Variants in CTBP2 observed in about 807,000 individuals in gnomAD.
CTBP2 encodes the protein C-terminal-binding protein 2.
In CTBP2, 30 loss-of-function variants were observed where a neutral mutation model predicts 80.3. The observed-to-expected ratio is 0.37, with a 90% confidence interval of 0.28 to 0.51. CTBP2 has a LOEUF of 0.51. CTBP2 is among the 20% of genes least tolerant of loss of function. The pLI, the probability that CTBP2 is intolerant of heterozygous loss-of-function variation, is 0.93. For synonymous variants in CTBP2, 594 were observed against 587.4 expected, an observed-to-expected ratio of 1.01 and a Z score of -0.16; for missense variants, 1,212 against 1,375.3, an observed-to-expected ratio of 0.88 and a Z score of 1.88.
intron 2 of CTBP2, among the ~76,000 whole-genome samples, chr10:125,063,682 A>G (rs1348246295): frequency 6.6e-6 from 1 of 152,234 alleles, no homozygotes; most frequent in Non-Finnish European, 1.5e-5. Flanking sequence ...TGGTTTAACT[A>G]CATCACCTGA....
intron 2 of CTBP2, among the ~76,000 whole-genome samples, chr10:125,062,381 G>T (rs957558469): frequency 6.6e-6 from 1 of 152,194 alleles, no homozygotes; most frequent in African/African-American, 2.4e-5. Context: ...GAGAACGCAC[G>T]TGAAATGAGG....
rs535620203 is a variant in CTBP2, at chr10:125,073,368, T to C, written c.-101-34213A>G. On this transcript the variant is annotated intron_variant, in intron 2 of 10. Coordinates refer to the CTBP2 transcript ENST00000337195. ...AAGCGATTCTCCTGCCTCAGGCTCC[T>C]GAGTAACTGGAATTACAAGCGTGCA... is the stretch of plus-strand genomic sequence containing the variant. Among the ~76,000 whole-genome samples, 80 of 152,308 alleles carry C rather than the reference T, an allele frequency of 5.3e-4. No homozygotes were observed. In the South Asian group the frequency reaches 5.6e-3, roughly 11 times the overall value.
Position 125,138,542 on chromosome 10 carries a change from G to A in CTBP2, c.-206+21777C>T, listed in dbSNP as rs375373497. ...GTGCTAAAAATAAGATTAACTAAGA[G>A]GCAGAGAAGGAGGCTCGTGGATAAT... On this transcript the variant is annotated intron_variant, in intron 1 of 10. Transcript: ENST00000337195. Among the ~76,000 whole-genome samples the A allele has an allele frequency of 1.1e-4, 17 of 152,066 alleles. No individual in the cohort carries two copies. In the South Asian group the frequency reaches 3.5e-3, roughly 32 times the overall value.
At position 124,988,576 on chromosome 10, in the gene CTBP2, T is replaced by C. The variant is rs113589481; in HGVS notation, c.*942A>G. 6.6e-6 allele frequency: 1 copy of C among 152,634 alleles called. No homozygotes were observed. Among genetic ancestry groups the C allele is most frequent in the African/African-American group, 2.4e-5 (1 of 41,458 alleles). 9.5% of individuals were successfully genotyped at this position (152,634 alleles called of 1,614,324 possible). ...GCAATGATTCACAAAAGACTATGAA[T>C]AGAACATGTAACTAGTTGATACAAA... On this transcript the variant is annotated 3_prime_UTR_variant, in exon 9 of 9. Transcript: ENST00000309035.
rs372742362 is a variant in CTBP2, at chr10:125,026,398, C to T, written c.1362G>A (p.Thr454=). The change falls in exon 1 of 9, where the codon ACG becomes ACA. Residue 454 remains threonine, a synonymous_variant. Transcript: ENST00000309035. ...AGGCCACCCCTGCCTGCAGGGGGTA[C>T]GTGGGGCTCAGACGCGCTGTCAGGG... 31 of 1,609,264 alleles carry T rather than the reference C, an allele frequency of 1.9e-5. No homozygotes were observed. The African/African-American group carries it at 2.5e-4, about 13-fold the overall frequency.
intron 3 of CTBP2, among the ~76,000 whole-genome samples, chr10:125,036,605 A>G (rs905348602): frequency 1.1e-4 from 17 of 152,056 alleles, no homozygotes; most frequent in African/African-American, 4.1e-4. Flanking sequence ...CTGCATATCA[A>G]TACAGAACAT....
At chr10:125,074,644 G>A (rs1046041717) in intron 2 of CTBP2, among the ~76,000 whole-genome samples, 3 of 152,198 alleles carry the variant, frequency 2.0e-5, no homozygotes, top group Non-Finnish European at 4.4e-5. Context: ...AGTGCCTGGC[G>A]AACACTGTCC....
Position 125,026,236 on chromosome 10 carries a change from G to T in CTBP2, c.1524C>A (p.Ser508Arg). The change falls in exon 1 of 9, where the codon AGC (serine) becomes AGA (arginine). Residue 508 changes from serine (S) to arginine (R), a missense_variant. Physicochemically the swap from Ser to Arg is moderately radical, Grantham distance 110. This residue lies in a region of CTBP2 where 848 missense variants were observed against 782.3 expected (regional missense o/e 1.08). Coordinates refer to ENST00000309035, the MANE Select transcript of CTBP2 (RefSeq NM_022802.3). ...CACCTGGCTTCCGCAAGACCTGGGGGCTGCCGTGAGGGCTGGGCAGCGGAG... is the reference window on the plus strand; with the variant it reads ...CACCTGGCTTCCGCAAGACCTGGGGTCTGCCGTGAGGGCTGGGCAGCGGAG... 1 of 1,613,768 alleles carries T rather than the reference G, an allele frequency of 6.2e-7. No individual in the cohort carries two copies. Among genetic ancestry groups the T allele is most frequent in the Non-Finnish European group, 8.5e-7 (1 of 1,179,932 alleles).
chr10:125,129,084 TATTA>T (rs1855730264), intron 1 of CTBP2, among the ~76,000 whole-genome samples: 1 of 152,198 alleles, frequency 6.6e-6, no homozygotes, highest in Non-Finnish European at 1.5e-5. Flanking sequence ...TATACATACA[TATTA>T]AATTGTATGT....
At chr10:125,078,343 A>G (rs1393254716) in intron 2 of CTBP2, among the ~76,000 whole-genome samples, 2 of 151,348 alleles carry the variant, frequency 1.3e-5, no homozygotes, top group African/African-American at 4.9e-5. Context: ...AGATCAACAG[A>G]GGAGGGAGGT....
intron 3 of CTBP2, chr10:124,999,025 G>A (rs374043525): frequency 6.6e-6 from 1 of 152,388 alleles, no homozygotes; most frequent in African/African-American, 2.4e-5. Context: ...ATGACTGCCA[G>A]ATACAACAGG....
At chr10:125,038,634 A>C (rs1270419762) in intron 3 of CTBP2, among the ~76,000 whole-genome samples, 1 of 152,360 alleles carries the variant, frequency 6.6e-6, no homozygotes. Context: ...CATTGTAAAT[A>C]TCTTAATCCA....
At chr10:125,005,458 G>T in intron 1 of CTBP2, 2 of 1,328,110 alleles carry the variant, frequency 1.5e-6, no homozygotes, top group African/African-American at 1.5e-5. Flanking sequence ...GCATGGATCC[G>T]CACTCCAACA....
chr10:125,035,977 TATAA>T (rs774035945), intron 3 of CTBP2, among the ~76,000 whole-genome samples: 1 of 152,140 alleles, frequency 6.6e-6, no homozygotes, highest in Non-Finnish European at 1.5e-5. Context: ...AAGGAACAAT[TATAA>T]ATAGCAAACT....
At chr10:125,015,855 C>T (rs531623420) in intron 1 of CTBP2, among the ~76,000 whole-genome samples, 113 of 152,336 alleles carry the variant, frequency 7.4e-4, no homozygotes, top group African/African-American at 2.6e-3. Flanking sequence ...ACTCACTCGC[C>T]GGCCGCACAA....
intron 2 of CTBP2, among the ~76,000 whole-genome samples, chr10:125,107,687 C>T (rs1343745282): frequency 1.3e-5 from 2 of 152,194 alleles, no homozygotes; most frequent in Non-Finnish European, 2.9e-5. Flanking sequence ...ACCCCTCTTC[C>T]ACCACCAAGC....
intron 2 of CTBP2, among the ~76,000 whole-genome samples, chr10:125,109,510 A>G (rs1851963076): frequency 6.6e-6 from 1 of 152,242 alleles, no homozygotes; most frequent in African/African-American, 2.4e-5. Flanking sequence ...GTTTGTCCTG[A>G]AAGGCTGAAC....
At chr10:125,098,723 AC>A in intron 2 of CTBP2, among the ~76,000 whole-genome samples, 2 of 100,838 alleles carry the variant, frequency 2.0e-5, no homozygotes, top group Non-Finnish European at 3.8e-5. Flanking sequence ...AGAGAGAGAG[AC>A]AGAGAGAGAG....
At chr10:125,117,227 G>T (rs1853487929) in intron 1 of CTBP2, among the ~76,000 whole-genome samples, 1 of 152,220 alleles carries the variant, frequency 6.6e-6, no homozygotes, top group African/African-American at 2.4e-5. Context: ...GGCAGTGGGG[G>T]GTGGCACTGG....
Sources: allele counts gnomAD v4.1 joint callset (sites outside exome capture counted in the v4.1 genomes callset), GRCh38; gene constraint gnomAD v4.1.1; regional missense constraint gnomAD v4.1.1; transcripts MANE v1.5; gene names NCBI Gene and HGNC (gene_info 2026-07-23, HGNC 2026-07-21).